CSMD1: variants seen among roughly 807,000 people sequenced by gnomAD.
CSMD1 encodes the protein CUB and sushi domain-containing protein 1.
A neutral mutation model predicts 417.5 loss-of-function variants in CSMD1; 213 were observed. The ratio of observed to expected loss-of-function variants is 0.51; its 90% CI spans 0.46 to 0.57. The LOEUF (loss-of-function observed/expected upper bound fraction) is 0.57, where lower values mean the gene tolerates loss of function less well. Among genes scored for constraint, CSMD1 ranks in the 20% least tolerant of loss-of-function variants. The pLI is 0.00. For synonymous variants in CSMD1, 2,862 were observed against 1,736.8 expected, an observed-to-expected ratio of 1.65 and a Z score of -16.11; for missense variants, 6,923 against 4,529.7, an observed-to-expected ratio of 1.53 and a Z score of -15.17.
chr8:3,181,431 C>T (rs768829134), intron 36 of CSMD1, among the ~76,000 whole-genome samples: 7 of 152,276 alleles, frequency 4.6e-5, no homozygotes, highest in African/African-American at 7.2e-5. Flanking sequence ...CTGCTCAAGT[C>T]GATGTGACAC....
intron 39 of CSMD1, among the ~76,000 whole-genome samples, chr8:3,154,920 A>C (rs1388493915): frequency 6.6e-6 from 1 of 152,142 alleles, no homozygotes; most frequent in Non-Finnish European, 1.5e-5. Flanking sequence ...ATCTAAAGCT[A>C]ACAGCTACAA....
chr8:3,060,081 T>C (rs1360825508), intron 49 of CSMD1, among the ~76,000 whole-genome samples: 2 of 152,084 alleles, frequency 1.3e-5, no homozygotes, highest in East Asian at 1.9e-4. Context: ...GCTCTTTCTA[T>C]GCCTTATTCA....
chr8:3,449,104 A>G (rs1815518163), intron 12 of CSMD1, among the ~76,000 whole-genome samples: 2 of 152,260 alleles, frequency 1.3e-5, no homozygotes, highest in South Asian at 2.1e-4. Flanking sequence ...AGTTCTACAC[A>G]GCACAAAGCA....
At chr8:3,736,537 A>G (rs1413156035) in intron 6 of CSMD1, among the ~76,000 whole-genome samples, 2 of 152,128 alleles carry the variant, frequency 1.3e-5, no homozygotes, top group African/African-American at 4.8e-5. Context: ...GGACCACATG[A>G]GTAGAATATC....
intron 3 of CSMD1, among the ~76,000 whole-genome samples, chr8:4,065,559 C>CT (rs5889014): frequency 0.83 from 126,170 of 151,954 alleles, 52,457 homozygotes; most frequent in Admixed American, 0.88. Flanking sequence ...AGTAGCTAAT[C>CT]TTTTTTCACT....
At chr8:2,968,701 C>T (rs1585068479) in intron 57 of CSMD1, among the ~76,000 whole-genome samples, 1 of 151,722 alleles carries the variant, frequency 6.6e-6, no homozygotes, top group African/African-American at 2.4e-5. Context: ...AATTATAAGA[C>T]AGGACTAAGA....
chr8:4,866,075 T>C (rs891211103), intron 1 of CSMD1, among the ~76,000 whole-genome samples: 3 of 151,988 alleles, frequency 2.0e-5, no homozygotes, highest in Non-Finnish European at 4.4e-5. Flanking sequence ...TCTGTGCCTA[T>C]GTGAACCATC....
intron 10 of CSMD1, among the ~76,000 whole-genome samples, chr8:3,535,163 A>G (rs1798142960): frequency 6.6e-6 from 1 of 151,822 alleles, no homozygotes; most frequent in Non-Finnish European, 1.5e-5. Context: ...CATGGTGCCC[A>G]TGCTGGTCTC....
intron 2 of CSMD1, among the ~76,000 whole-genome samples, chr8:4,572,326 C>T (rs184170928): frequency 3.3e-5 from 5 of 152,088 alleles, no homozygotes; most frequent in African/African-American, 7.2e-5. Flanking sequence ...TGACAAAATC[C>T]CCCAGAATTT....
Position 2,973,257 on chromosome 8 carries a change from T to C in CSMD1, c.8783A>G (p.His2928Arg), listed in dbSNP as rs1804617211. ...AAAGTCATCACCAAGCCGAGACCCATGTGCTGGGGTCCCCGGATCACCACA... is the reference window on the plus strand; with the variant it reads ...AAAGTCATCACCAAGCCGAGACCCACGTGCTGGGGTCCCCGGATCACCACA... ...GFCGDPGTPA[H>R]GSRLGDDFKT... is the part of the protein sequence containing the mutation. Residue 2928 changes from histidine to arginine, a missense_variant, in exon 57 of 70, where the codon CAT becomes CGT. Coordinates refer to ENST00000635120, the MANE Select transcript of CSMD1 (RefSeq NM_033225.6). The C allele has an allele frequency of 6.2e-7, 1 of 1,613,970 alleles. No homozygotes were observed. The highest frequency in any genetic ancestry group is 8.5e-7 in the Non-Finnish European group (1 of 1,179,844).
intron 1 of CSMD1, among the ~76,000 whole-genome samples, chr8:4,754,563 C>A (rs1393007494): frequency 6.6e-6 from 1 of 151,106 alleles, no homozygotes; most frequent in Non-Finnish European, 1.5e-5. Flanking sequence ...TTTTTAAAGC[C>A]AAGTAGGGCC....
At chr8:4,260,641 T>C (rs1803813159) in intron 3 of CSMD1, among the ~76,000 whole-genome samples, 1 of 152,190 alleles carries the variant, frequency 6.6e-6, no homozygotes, top group African/African-American at 2.4e-5. Context: ...TCATAAGTCC[T>C]TGTAATTGAT....
intron 3 of CSMD1, among the ~76,000 whole-genome samples, chr8:4,168,796 T>C (rs1433965427): frequency 6.6e-6 from 1 of 152,158 alleles, no homozygotes; most frequent in Admixed American, 6.5e-5. Context: ...CCTCTTCCCT[T>C]TCATTTTCCT....
chr8:3,500,460 C>T (rs1445225016), intron 10 of CSMD1, among the ~76,000 whole-genome samples: 3 of 151,974 alleles, frequency 2.0e-5, no homozygotes, highest in African/African-American at 7.3e-5. Flanking sequence ...ACAGATGCCA[C>T]CTAAAATACT....
intron 2 of CSMD1, among the ~76,000 whole-genome samples, chr8:4,570,692 T>G (rs996736613): frequency 6.6e-6 from 1 of 152,206 alleles, no homozygotes; most frequent in Non-Finnish European, 1.5e-5. Flanking sequence ...CTTTTTCTAC[T>G]GTTTGGAATA....
At chr8:3,273,813 C>A (rs187616283) in intron 26 of CSMD1, among the ~76,000 whole-genome samples, 73 of 151,930 alleles carry the variant, frequency 4.8e-4, no homozygotes, top group Middle Eastern at 3.4e-3. Context: ...CTATTTGATT[C>A]CTCTCTGTTT....
At chr8:4,956,855 A>G (rs201724606) in intron 1 of CSMD1, among the ~76,000 whole-genome samples, 1 of 152,168 alleles carries the variant, frequency 6.6e-6, no homozygotes, top group Admixed American at 6.5e-5. Context: ...AGTCAGTGTG[A>G]ACTCATGGTG....
At chr8:3,193,335 C>T (rs1050019892) in intron 33 of CSMD1, among the ~76,000 whole-genome samples, 1 of 151,862 alleles carries the variant, frequency 6.6e-6, no homozygotes, top group Non-Finnish European at 1.5e-5. Context: ...GATAACAAGA[C>T]GAAAAATGTT....
chr8:3,580,043 G>A (rs1050936519), intron 9 of CSMD1, among the ~76,000 whole-genome samples: 8 of 152,128 alleles, frequency 5.3e-5, no homozygotes, highest in Non-Finnish European at 8.8e-5. Context: ...GGTGGAAGTT[G>A]CAGCGAGCCA....
Sources: allele counts gnomAD v4.1 joint callset (sites outside exome capture counted in the v4.1 genomes callset), GRCh38; gene constraint gnomAD v4.1.1; transcripts MANE v1.5; gene names NCBI Gene and HGNC (gene_info 2026-07-23, HGNC 2026-07-21).